PUDP: variants seen among roughly 807,000 people sequenced by gnomAD.
PUDP encodes the protein pseudouridine-5'-phosphatase.
In PUDP, 8 loss-of-function variants were observed where a neutral mutation model predicts 9.4. The ratio of observed to expected loss-of-function variants is 0.85; its 90% CI spans 0.50 to 1.53. PUDP has a LOEUF of 1.53. Among genes scored for constraint, PUDP ranks in the 40% most tolerant of loss-of-function variants. The pLI is 0.00. For missense variants in PUDP, 188 were observed against 189.7 expected, an observed-to-expected ratio of 0.99 and a Z score of 0.05; for synonymous variants, 99 against 80.7, an observed-to-expected ratio of 1.23 and a Z score of -1.22.
intron 3 of PUDP, among the ~76,000 whole-genome samples, chrX:6,741,711 T>A (rs143960855): frequency 0.053 from 5,839 of 111,061 alleles, 185 homozygotes; most frequent in African/African-American, 0.087. Flanking sequence ...GAAAGTTACA[T>A]ACAAGTAAAT....
chrX:6,973,819 A>C (rs1444680280), intron 3 of PUDP, among the ~76,000 whole-genome samples: 1 of 111,196 alleles, frequency 9.0e-6, no homozygotes, highest in Non-Finnish European at 1.9e-5. Context: ...AAAGTCTCCC[A>C]CTATTATTGT....
At position 6,741,824 on chromosome X, in the gene PUDP, CTCTCTCTT is replaced by C. The variant is rs1401559544; in HGVS notation, c.*248-35366_*248-35359del. ...TTTTTAAATCTCTCTCTCTCTCTCT[CTCTCTCTT>C]TCTTTCTTTCTTTCTTTCTTTTTCT... On this transcript the variant is annotated intron_variant and NMD_transcript_variant, in intron 3 of 3. Transcript: ENST00000655425. Among the ~76,000 whole-genome samples, 199 of 97,945 alleles carry C rather than the reference CTCTCTCTT, an allele frequency of 2.0e-3. 1 individual carries two copies. The highest frequency in any genetic ancestry group is 7.2e-3 in the African/African-American group (174 of 24,263). 85.1% of individuals were successfully genotyped at this position (97,945 alleles called of 115,157 possible). A position where few individuals can be genotyped will look rare whatever the true frequency, so the allele number is the denominator to read the frequency against.
At chrX:6,879,999 C>G (rs774229992) in intron 3 of PUDP, among the ~76,000 whole-genome samples, 1 of 109,784 alleles carries the variant, frequency 9.1e-6, no homozygotes, top group Non-Finnish European at 1.9e-5. Context: ...TTAAGAACTC[C>G]AAGAAAAAAA....
At chrX:6,948,224 C>T (rs1928497460) in intron 3 of PUDP, among the ~76,000 whole-genome samples, 1 of 111,886 alleles carries the variant, frequency 8.9e-6, no homozygotes, top group Non-Finnish European at 1.9e-5. Flanking sequence ...TATTTGCAGG[C>T]TTTAGAAAAG....
intron 3 of PUDP, among the ~76,000 whole-genome samples, chrX:6,749,199 C>A (rs1045084679): frequency 3.6e-5 from 4 of 111,811 alleles, no homozygotes. Flanking sequence ...GGACTTGAGA[C>A]GAATTGGAGT....
intron 3 of PUDP, among the ~76,000 whole-genome samples, chrX:6,847,221 A>G (rs1926762373): frequency 9.0e-6 from 1 of 111,617 alleles, no homozygotes; most frequent in African/African-American, 3.3e-5. Flanking sequence ...GCAGGTTGTC[A>G]GGAATTGACA....
At chrX:6,706,617 G>A (rs1924472559) in intron 1 of PUDP, among the ~76,000 whole-genome samples, 1 of 112,095 alleles carries the variant, frequency 8.9e-6, no homozygotes. Context: ...AAAGAAAAGT[G>A]AGGTGCCGTG....
At chrX:6,987,019 C>G (rs778205772) in intron 1 of PUDP, among the ~76,000 whole-genome samples, 5 of 111,589 alleles carry the variant, frequency 4.5e-5, no homozygotes, top group Non-Finnish European at 9.4e-5. Flanking sequence ...ACCATCCAGC[C>G]GAAATAAAAG....
At chrX:6,919,076 T>C (rs1344875779) in intron 3 of PUDP, among the ~76,000 whole-genome samples, 1 of 111,815 alleles carries the variant, frequency 8.9e-6, no homozygotes, top group Non-Finnish European at 1.9e-5. Context: ...CTCATAAAAA[T>C]AGAGGCTCCT....
At chrX:6,712,834 G>A (rs773696426) in intron 1 of PUDP, among the ~76,000 whole-genome samples, 1 of 111,290 alleles carries the variant, frequency 9.0e-6, no homozygotes, top group African/African-American at 3.3e-5. Context: ...GATCACTTGA[G>A]GCCAGGAGTT....
At chrX:6,725,487 G>T (rs774613516), upstream of PUDP, among the ~76,000 whole-genome samples, 1 of 111,545 alleles carries the variant, frequency 9.0e-6, no homozygotes, top group African/African-American at 3.3e-5. Flanking sequence ...GAATATGTGG[G>T]ATTTGACTTC....
intron 1 of PUDP, among the ~76,000 whole-genome samples, chrX:6,712,398 C>T (rs778444269): frequency 8.9e-6 from 1 of 111,987 alleles, no homozygotes; most frequent in East Asian, 2.8e-4. Context: ...GATCTGCCCG[C>T]CTCAGTCTCC....
intron 3 of PUDP, among the ~76,000 whole-genome samples, chrX:6,888,079 A>G (rs1927455939): frequency 9.0e-6 from 1 of 111,654 alleles, no homozygotes; most frequent in Non-Finnish European, 1.9e-5. Context: ...TGAGAGCGAG[A>G]ACAATGATTC....
intron 3 of PUDP, among the ~76,000 whole-genome samples, chrX:6,794,210 T>A (rs183974526): frequency 3.1e-4 from 35 of 112,623 alleles, no homozygotes; most frequent in African/African-American, 1.0e-3. Context: ...CTGGATGTGA[T>A]AACCTACAAC....
intron 2 of PUDP, among the ~76,000 whole-genome samples, chrX:7,082,483 A>T (rs1359766880): frequency 8.9e-6 from 1 of 112,162 alleles, no homozygotes; most frequent in African/African-American, 3.2e-5. Context: ...GGGGTTGACA[A>T]CGCAAAGTGG....
At chrX:6,740,737 T>C in intron 3 of PUDP, among the ~76,000 whole-genome samples, 1 of 112,129 alleles carries the variant, frequency 8.9e-6, no homozygotes. Context: ...ATGTCAGTAA[T>C]ACCAAGAGGG....
intron 1 of PUDP, among the ~76,000 whole-genome samples, chrX:6,981,436 G>A (rs1929031184): frequency 9.0e-6 from 1 of 111,158 alleles, no homozygotes; most frequent in East Asian, 2.8e-4. Flanking sequence ...GCTTCTTACC[G>A]TGGTTATTCC....
At chrX:6,734,045 T>G (rs999513035) in intron 3 of PUDP, among the ~76,000 whole-genome samples, 2 of 110,866 alleles carry the variant, frequency 1.8e-5, no homozygotes, top group African/African-American at 3.3e-5. Flanking sequence ...CCCAAAGTGT[T>G]GGGATTACAG....
chrX:7,140,389 C>G (rs1439094734), intron 1 of PUDP, among the ~76,000 whole-genome samples: 6 of 111,489 alleles, frequency 5.4e-5, no homozygotes, highest in African/African-American at 2.0e-4. Flanking sequence ...GACTGCCTAT[C>G]AATCACTTTT....
Sources: gnomAD v4.1 joint callset for allele counts (sites outside exome capture counted in the v4.1 genomes callset) on GRCh38, gnomAD v4.1.1 for gene constraint, MANE v1.5 for transcripts, NCBI Gene and HGNC (gene_info 2026-07-23, HGNC 2026-07-21) for gene names.